PPFIBP2: variants seen among roughly 807,000 people sequenced by gnomAD.
PPFIBP2 encodes liprin-beta-2.
In PPFIBP2, 118 loss-of-function variants were observed where a neutral mutation model predicts 118.3. The observed-to-expected ratio is 1.00, with a 90% CI of 0.86 to 1.16. The LOEUF is 1.16. PPFIBP2 is among the 50% of genes most tolerant of loss of function. The pLI, the probability that PPFIBP2 is intolerant of heterozygous loss-of-function variation, is 0.00. For synonymous variants in PPFIBP2, 414 were observed against 397.4 expected (o/e 1.04, Z -0.50); for missense variants, 1,195 against 1,073.1 (o/e 1.11, Z -1.59).
At chr11:7,557,330 A>G (rs1425955604) in intron 2 of PPFIBP2, among the ~76,000 whole-genome samples, 1 of 151,622 alleles carries the variant, frequency 6.6e-6, no homozygotes, top group African/African-American at 2.4e-5. Flanking sequence ...TTCTCCTTTA[A>G]TTATGTAAAA....
chr11:7,584,362 C>G (rs1717660953), intron 3 of PPFIBP2, among the ~76,000 whole-genome samples: 1 of 152,162 alleles, frequency 6.6e-6, no homozygotes, highest in South Asian at 2.1e-4. Context: ...CTTAACCTCC[C>G]CTTATATATA....
intron 22 of PPFIBP2, chr11:7,651,313 T>C: frequency 2.9e-6 from 1 of 340,662 alleles, no homozygotes; most frequent in Non-Finnish European, 5.4e-6. Context: ...ATAGGATCCC[T>C]ATCACTACTC....
At chr11:7,663,359 T>G in the PPFIBP2 span, among the ~76,000 whole-genome samples, 3 of 151,622 alleles carry the variant, frequency 2.0e-5, no homozygotes, top group Non-Finnish European at 4.4e-5. Flanking sequence ...TTAGTTTTCC[T>G]TCTAACAGAC....
intron 1 of PPFIBP2, among the ~76,000 whole-genome samples, chr11:7,541,824 A>G (rs994555014): frequency 6.6e-6 from 1 of 152,148 alleles, no homozygotes; most frequent in East Asian, 1.9e-4. Context: ...GACACCCCAC[A>G]TTGTTGCTCC....
chr11:7,576,671 C>T (rs1016474584), intron 3 of PPFIBP2: 7 of 152,412 alleles, frequency 4.6e-5, no homozygotes, highest in African/African-American at 1.4e-4. Context: ...GACCCTCCAG[C>T]CCTGGCCCCT....
chr11:7,601,093 C>G (rs984077351), intron 5 of PPFIBP2, among the ~76,000 whole-genome samples: 15 of 152,310 alleles, frequency 9.8e-5, no homozygotes, highest in Non-Finnish European at 1.9e-4. Flanking sequence ...TGAGCTGTCT[C>G]TCTCCATGCT....
chr11:7,594,278 T>TTC (rs754294173), intron 4 of PPFIBP2, among the ~76,000 whole-genome samples: 1 of 150,098 alleles, frequency 6.7e-6, no homozygotes, highest in Non-Finnish European at 1.5e-5. Flanking sequence ...GTGTTGTTGG[T>TTC]TTTTTTTCTT....
At chr11:7,566,501 C>A (rs1023049186) in intron 3 of PPFIBP2, among the ~76,000 whole-genome samples, 6 of 151,916 alleles carry the variant, frequency 3.9e-5, no homozygotes, top group African/African-American at 1.5e-4. Flanking sequence ...ACCACCTCTG[C>A]AGAAGTGCGA....
chr11:7,629,244 C>T (rs978651468), intron 9 of PPFIBP2, among the ~76,000 whole-genome samples: 2 of 152,180 alleles, frequency 1.3e-5, no homozygotes, highest in African/African-American at 4.8e-5. Flanking sequence ...TCTCAGATGA[C>T]TCACAGTCTT....
intron 3 of PPFIBP2, among the ~76,000 whole-genome samples, chr11:7,573,456 G>A (rs1855891888): frequency 1.3e-5 from 2 of 152,212 alleles, no homozygotes; most frequent in South Asian, 2.1e-4. Context: ...AGTTTTACTA[G>A]TACACAGCCA....
intron 1 of PPFIBP2, among the ~76,000 whole-genome samples, chr11:7,535,832 A>G (rs1342074405): frequency 6.6e-6 from 1 of 152,176 alleles, no homozygotes; most frequent in Non-Finnish European, 1.5e-5. Flanking sequence ...GATGGAGAAG[A>G]GCATCCCTGC....
intron 5 of PPFIBP2, chr11:7,605,943 C>G: frequency 6.5e-7 from 1 of 1,530,840 alleles, no homozygotes; most frequent in South Asian, 1.2e-5. Context: ...GAATGTGAAG[C>G]CAGAGTGGAT....
chr11:7,538,799 C>T (rs527955324), intron 1 of PPFIBP2, among the ~76,000 whole-genome samples: 7 of 152,252 alleles, frequency 4.6e-5, no homozygotes, highest in African/African-American at 1.7e-4. Context: ...GCATTCATCC[C>T]CTGCCACCAC....
intron 6 of PPFIBP2, among the ~76,000 whole-genome samples, chr11:7,620,627 C>A (rs1282599493): frequency 6.6e-6 from 1 of 152,192 alleles, no homozygotes; most frequent in East Asian, 1.9e-4. Flanking sequence ...CCTCGCCTGC[C>A]TGCCTATACT....
intron 1 of PPFIBP2, among the ~76,000 whole-genome samples, chr11:7,541,902 C>A (rs1421866865): frequency 6.6e-6 from 1 of 152,210 alleles, no homozygotes; most frequent in Non-Finnish European, 1.5e-5. Flanking sequence ...TCTGCTCTCT[C>A]ATGCCCATGT....
chr11:7,657,173 C>T (rs1854760609), downstream of PPFIBP2: 1 of 205,802 alleles, frequency 4.9e-6, no homozygotes, highest in East Asian at 1.2e-4. Flanking sequence ...TTCATAAAAC[C>T]TGCTGGAAAA....
intron 15 of PPFIBP2, among the ~76,000 whole-genome samples, chr11:7,640,170 CTT>C (rs1851977280): frequency 6.6e-6 from 1 of 152,128 alleles, no homozygotes; most frequent in Admixed American, 6.5e-5. Context: ...CTCTCGAACT[CTT>C]TCCTGTCCTT....
chr11:7,554,284 C>T (rs1242318100), intron 2 of PPFIBP2, among the ~76,000 whole-genome samples: 2 of 152,172 alleles, frequency 1.3e-5, no homozygotes, highest in African/African-American at 4.8e-5. Context: ...ATAGTAACCA[C>T]TTACACAGAA....
At chr11:7,647,486 A>G (rs950832322) in intron 17 of PPFIBP2, among the ~76,000 whole-genome samples, 14 of 152,120 alleles carry the variant, frequency 9.2e-5, no homozygotes, top group African/African-American at 2.2e-4. Flanking sequence ...CACCCCCGCA[A>G]TCCCCACACA....
Sources: allele counts gnomAD v4.1 joint callset (sites outside exome capture counted in the v4.1 genomes callset), GRCh38; gene constraint gnomAD v4.1.1; transcripts MANE v1.5; gene names NCBI Gene and HGNC (gene_info 2026-07-23, HGNC 2026-07-21).